Variants in PARD3B observed in about 807,000 individuals in gnomAD.
The protein encoded by PARD3B is partitioning defective 3 homolog B.
A neutral mutation model predicts 130.2 loss-of-function variants in PARD3B; 103 were observed. That is an observed-to-expected ratio of 0.79 (90% CI 0.67 to 0.93). The LOEUF (loss-of-function observed/expected upper bound fraction) is 0.93. Among genes scored for constraint, PARD3B ranks in the 40% least tolerant of loss-of-function variants. PARD3B has a pLI of 0.00. For missense variants in PARD3B, 1,609 were observed against 1,499.2 expected (o/e 1.07, Z -1.21); for synonymous variants, 583 against 553.2 (o/e 1.05, Z -0.76).
rs1226600375 is a variant in PARD3B at position 205,146,199 on chromosome 2, A to C, written c.1435-12523A>C. On this transcript the variant is annotated intron_variant, in intron 10 of 22. Transcript: ENST00000406610. This position sits in a 1 kb window ranked among gnomAD's most constrained non-coding sequence, Gnocchi z 4.3. ...CATTTATGTTTCATTCTTGTCCTTG[A>C]TGTTGTGCTATCTTTTAAAGATGTT... Among the ~76,000 whole-genome samples the C allele has an allele frequency of 6.6e-6, 1 of 152,184 alleles. No homozygotes were observed. The highest frequency in any genetic ancestry group is 1.5e-5 in the Non-Finnish European group (1 of 68,026).
At chr2:205,123,088 G>A (rs1052833031) in intron 8 of PARD3B, among the ~76,000 whole-genome samples, 1 of 152,142 alleles carries the variant, frequency 6.6e-6, no homozygotes, top group African/African-American at 2.4e-5. Flanking sequence ...TCTGTACTTT[G>A]GCAAGATTAA....
chr2:204,667,735 C>T (rs2036091142), intron 1 of PARD3B, among the ~76,000 whole-genome samples: 1 of 152,152 alleles, frequency 6.6e-6, no homozygotes, highest in South Asian at 2.1e-4. Flanking sequence ...GGCAGTCACA[C>T]ATAGTGAGAA....
chr2:204,865,372 G>A (rs2045366941), intron 2 of PARD3B, among the ~76,000 whole-genome samples: 2 of 152,178 alleles, frequency 1.3e-5, no homozygotes, highest in Admixed American at 1.3e-4. Flanking sequence ...CAGTCCAAAT[G>A]ACTTCCATAT....
chr2:204,829,634 C>G (rs980856546), intron 2 of PARD3B, among the ~76,000 whole-genome samples: 1 of 152,136 alleles, frequency 6.6e-6, no homozygotes, highest in Admixed American at 6.6e-5. Flanking sequence ...GTGATTAGAT[C>G]AGAGGGGTGG....
At chr2:205,358,046 G>A (rs774339360) in intron 18 of PARD3B, among the ~76,000 whole-genome samples, 4 of 152,164 alleles carry the variant, frequency 2.6e-5, no homozygotes, top group African/African-American at 7.2e-5. Context: ...TGAGAAGGAC[G>A]TAAATTTCAC....
rs1248209809 is a variant in PARD3B, at chr2:204,890,664, C to T, written c.223-74488C>T. Among the ~76,000 whole-genome samples, 1 of 152,126 alleles carries T rather than the reference C, an allele frequency of 6.6e-6. No homozygotes were observed. The highest frequency in any genetic ancestry group is 2.4e-5 in the African/African-American group (1 of 41,434). On this transcript the variant is annotated intron_variant, in intron 2 of 22. Coordinates refer to ENST00000406610, the MANE Select transcript of PARD3B (RefSeq NM_001302769.2). This position sits in a 1 kb window ranked among gnomAD's most constrained non-coding sequence, Gnocchi z 4.9. ...CCAGGAGAAAACCAGGACACATGCA[C>T]AACGGTAAGTGTCACAAAGTGACAA...
intron 2 of PARD3B, among the ~76,000 whole-genome samples, chr2:204,878,007 C>G (rs1039174177): frequency 6.6e-6 from 1 of 152,126 alleles, no homozygotes; most frequent in Non-Finnish European, 1.5e-5. Flanking sequence ...AAAAAGCTGC[C>G]TCTGCCCTTC....
At chr2:204,809,712 T>C (rs551390179) in intron 2 of PARD3B, among the ~76,000 whole-genome samples, 1 of 152,338 alleles carries the variant, frequency 6.6e-6, no homozygotes, top group Admixed American at 6.5e-5. Flanking sequence ...TAGAATTGCC[T>C]TGGCTATTTG....
chr2:204,920,014 A>G (rs894615067), intron 2 of PARD3B, among the ~76,000 whole-genome samples: 5 of 151,872 alleles, frequency 3.3e-5, no homozygotes, highest in African/African-American at 1.2e-4. Flanking sequence ...TTATTCCTAT[A>G]GTCATGTTAA....
chr2:205,270,288 GC>G (rs370985962), intron 16 of PARD3B, among the ~76,000 whole-genome samples: 2 of 152,090 alleles, frequency 1.3e-5, no homozygotes, highest in African/African-American at 4.8e-5. Context: ...ACTATTGGTG[GC>G]TGGGCATGGT....
intron 2 of PARD3B, among the ~76,000 whole-genome samples, chr2:204,752,304 G>A (rs1053300538): frequency 6.6e-6 from 1 of 151,976 alleles, no homozygotes; most frequent in African/African-American, 2.4e-5. Context: ...GTATCTTAAG[G>A]TTATGATGAT....
chr2:204,608,173 T>C (rs900897339), intron 1 of PARD3B, among the ~76,000 whole-genome samples: 4 of 152,212 alleles, frequency 2.6e-5, no homozygotes, highest in Non-Finnish European at 5.9e-5. Context: ...TTTTTAATTT[T>C]AGGCATTTTA....
chr2:205,608,468 G>A (rs539223253), intron 22 of PARD3B, among the ~76,000 whole-genome samples: 1 of 152,268 alleles, frequency 6.6e-6, no homozygotes, highest in East Asian at 1.9e-4. Flanking sequence ...CAGACCATGG[G>A]GTAATGATAT....
chr2:205,233,045 A>G (rs1374248156), intron 15 of PARD3B, among the ~76,000 whole-genome samples: 1 of 152,200 alleles, frequency 6.6e-6, no homozygotes, highest in Non-Finnish European at 1.5e-5. Flanking sequence ...TGAACCTCTA[A>G]GTACAGACAC....
chr2:205,552,315 G>GT (rs35505254), intron 21 of PARD3B, among the ~76,000 whole-genome samples: 3,682 of 151,970 alleles, frequency 0.024, 88 homozygotes, highest in Non-Finnish European at 0.034. Context: ...GTGGTCGGGG[G>GT]GCATCATGGA....
At chr2:204,574,975 C>T (rs73057270) in intron 1 of PARD3B, among the ~76,000 whole-genome samples, 8,721 of 152,228 alleles carry the variant, frequency 0.057, 835 homozygotes, top group African/African-American at 0.2. Context: ...CTCTACTCTT[C>T]AGATGACTCT....
rs1445131118 is a variant in PARD3B, at chr2:204,879,270, G to A, written c.223-85882G>A. On this transcript the variant is annotated intron_variant, in intron 2 of 22. Transcript: ENST00000406610. ...TCAGATGACAGGTCAAGCAGGGGCC[G>A]TGACAGGCAACCCACAAAGTGTAGT... 5.9e-5 allele frequency among the ~76,000 whole-genome samples: 9 copies of A among 152,186 alleles called. No individual in the cohort carries two copies. The East Asian group carries it at 1.2e-3, about 20-fold the overall frequency.
At chr2:205,553,048 A>G (rs2052720776) in intron 21 of PARD3B, among the ~76,000 whole-genome samples, 1 of 151,568 alleles carries the variant, frequency 6.6e-6, no homozygotes, top group South Asian at 2.1e-4. Context: ...GAAGAAGAAA[A>G]TAGTCTAGCA....
chr2:205,593,489 A>G (rs985921881), intron 22 of PARD3B, among the ~76,000 whole-genome samples: 1 of 152,198 alleles, frequency 6.6e-6, no homozygotes, highest in Non-Finnish European at 1.5e-5. Context: ...AACCACACTT[A>G]AATTAATTTG....
Sources: gnomAD v4.1 joint callset for allele counts (sites outside exome capture counted in the v4.1 genomes callset) on GRCh38, gnomAD v4.1.1 for gene constraint, Gnocchi (gnomAD v3.1) non-coding constraint, MANE v1.5 for transcripts, NCBI Gene and HGNC (gene_info 2026-07-23, HGNC 2026-07-21) for gene names.